The following ADGRB1 variants were observed in gnomAD, a reference collection of about 807,000 sequenced individuals.
ADGRB1 encodes the protein brain-specific angiogenesis inhibitor 1.
ADGRB1 carries 36 observed loss-of-function variants against 175.7 expected under a neutral mutation model. That is an observed-to-expected ratio of 0.20 (90% confidence interval 0.16 to 0.27). The LOEUF (loss-of-function observed/expected upper bound fraction) is 0.27. ADGRB1 is among the 10% of genes least tolerant of loss of function. The probability of loss-of-function intolerance (pLI) is 1.00; values close to 1 mark genes in which losing one functional copy is unlikely to be tolerated. For missense variants in ADGRB1, 1,731 were observed against 2,255.3 expected (o/e 0.77, Z 4.71); for synonymous variants, 1,054 against 979.4 (o/e 1.08, Z -1.42).
At chr8:142,470,550 T>A (rs1840606842) in intron 2 of ADGRB1, among the ~76,000 whole-genome samples, 1 of 152,100 alleles carries the variant, frequency 6.6e-6, no homozygotes, top group Admixed American at 6.5e-5. Flanking sequence ...CCTGTGTGTG[T>A]GTGTCCCTGC....
At chr8:142,480,891 A>G (rs1231439096) in intron 9 of ADGRB1, among the ~76,000 whole-genome samples, 1 of 151,956 alleles carries the variant, frequency 6.6e-6, no homozygotes, top group African/African-American at 2.4e-5. Context: ...GGATGCAGCC[A>G]GGCAGGGGCC....
intron 2 of ADGRB1, among the ~76,000 whole-genome samples, chr8:142,470,789 C>A (rs1412935663): frequency 6.6e-6 from 1 of 152,114 alleles, no homozygotes; most frequent in African/African-American, 2.4e-5. Context: ...GTGACCTCCC[C>A]CTCCCTGCCC....
chr8:142,455,603 A>G lies in ADGRB1; in HGVS notation c.-220+5499A>G, dbSNP rs1474346064. On this transcript the variant is annotated intron_variant, in intron 1 of 30. Transcript: ENST00000517894. This position sits in a 1 kb window ranked among gnomAD's most constrained non-coding sequence, Gnocchi z 4.9. ...ACTGGGAGCTCAGAGACTGGGGTGG[A>G]CCTTGAGATGAGACAGAACCTGTGT... is the stretch of plus-strand genomic sequence containing the variant. Among the ~76,000 whole-genome samples the G allele has an allele frequency of 6.6e-6, 1 of 152,064 alleles. No homozygotes were observed. The highest frequency in any genetic ancestry group is 1.5e-5 in the Non-Finnish European group (1 of 68,014).
At position 142,511,179 on chromosome 8, in the gene ADGRB1, G is replaced by A; in HGVS notation, c.2817+106G>A. ...GGGCCCGCACCCGTCCTGTCCCGGA[G>A]GGGTCGCTGTGGCCCGCAGCCGCCG... On this transcript the variant is annotated intron_variant, in intron 18 of 30. Coordinates refer to ENST00000517894, the MANE Select transcript of ADGRB1 (RefSeq NM_001702.3). This position sits in a 1 kb window ranked among gnomAD's most constrained non-coding sequence, Gnocchi z 4.5. 1 of 926,324 alleles carries A rather than the reference G, an allele frequency of 1.1e-6. No individual in the cohort carries two copies. Among genetic ancestry groups the A allele is most frequent in the Non-Finnish European group, 1.3e-6 (1 of 769,208 alleles). The allele number at this position is 926,324 out of a possible 1,614,324, so 57.4% of individuals were successfully genotyped here. A position where few individuals can be genotyped will look rare whatever the true frequency, so the allele number is the denominator to read the frequency against.
Position 142,474,235 on chromosome 8 carries a change from G to T in ADGRB1, c.785-1239G>T, listed in dbSNP as rs899346112. 2.0e-5 allele frequency among the ~76,000 whole-genome samples: 3 copies of T among 152,014 alleles called. No homozygotes were observed. Among genetic ancestry groups the T allele is most frequent in the Admixed American group, 6.5e-5 (1 of 15,274 alleles). ...CTTCTGGTGGGTCGGGGTGGCCTGT[G>T]CTTGGCCTGATTGCTGCCCCTGGGG... On this transcript the variant is annotated intron_variant, in intron 2 of 30. Coordinates refer to ENST00000517894, the MANE Select transcript of ADGRB1 (RefSeq NM_001702.3). This position sits in a 1 kb window ranked among gnomAD's most constrained non-coding sequence, Gnocchi z 5.8.
intron 25 of ADGRB1, among the ~76,000 whole-genome samples, chr8:142,534,068 G>A (rs1032144261): frequency 2.0e-5 from 3 of 152,216 alleles, no homozygotes; most frequent in African/African-American, 7.2e-5. Context: ...ACGGCAGAGG[G>A]GCTGTTGAAA....
chr8:142,459,941 C>T lies in ADGRB1; in HGVS notation c.-219-4039C>T, dbSNP rs541222306. 5.9e-4 allele frequency among the ~76,000 whole-genome samples: 90 copies of T among 152,348 alleles called. 1 individual carries two copies. The East Asian group carries it at 0.014, about 23-fold the overall frequency. ...CCTCAGGGCCCCACTCAGGCGCTGACGCCTCCTGGATGCCACCCTGGGTGC... is the reference window on the plus strand; with the variant it reads ...CCTCAGGGCCCCACTCAGGCGCTGATGCCTCCTGGATGCCACCCTGGGTGC... On this transcript the variant is annotated intron_variant, in intron 1 of 30. Coordinates refer to ENST00000517894, the MANE Select transcript of ADGRB1 (RefSeq NM_001702.3).
intron 20 of ADGRB1, among the ~76,000 whole-genome samples, chr8:142,521,448 G>C (rs1416835033): frequency 2.6e-5 from 4 of 152,228 alleles, no homozygotes; most frequent in Non-Finnish European, 5.9e-5. Context: ...CCTTTGGCTG[G>C]GGGCCTCTGC....
At chr8:142,518,446 T>C (rs1843578365) in intron 19 of ADGRB1, among the ~76,000 whole-genome samples, 1 of 151,978 alleles carries the variant, frequency 6.6e-6, no homozygotes, top group South Asian at 2.1e-4. Context: ...CACACACTCA[T>C]AATGTGTACA....
Position 142,521,968 on chromosome 8 carries a change from G to T in ADGRB1, c.3028G>T (p.Val1010Leu). 1 of 1,590,392 alleles carries T rather than the reference G, an allele frequency of 6.3e-7. No individual in the cohort carries two copies. The highest frequency in any genetic ancestry group is 2.3e-5 in the East Asian group (1 of 43,822). Residue 1010 changes from valine to leucine, a missense_variant, in exon 21 of 31, where the codon GTG (valine) becomes TTG (leucine). Physicochemically the swap from Val to Leu is conservative, Grantham distance 32 (BLOSUM62 1). Coordinates refer to ENST00000517894, the MANE Select transcript of ADGRB1 (RefSeq NM_001702.3). The part of the protein sequence containing the change: ...IGQTQTRNKV[V>L]CTLVAAFLHF... Reference sequence around the variant, plus strand: ...CCCCGCCCTGGGCCCCACACAGGTGGTGTGCACGCTGGTGGCCGCCTTCCT... The same window carrying T: ...CCCCGCCCTGGGCCCCACACAGGTGTTGTGCACGCTGGTGGCCGCCTTCCT...
intron 1 of ADGRB1, among the ~76,000 whole-genome samples, chr8:142,456,058 T>C (rs1839656773): frequency 1.3e-5 from 2 of 151,992 alleles, no homozygotes; most frequent in South Asian, 4.2e-4. Flanking sequence ...GAGGAACGCA[T>C]TTCAATGGGA....
intron 17 of ADGRB1, among the ~76,000 whole-genome samples, chr8:142,502,333 T>C (rs1010617891): frequency 2.9e-5 from 3 of 101,930 alleles, no homozygotes; most frequent in Non-Finnish European, 4.1e-5. Context: ...GTAGTGATGG[T>C]GATGGTGGTG....
At chr8:142,528,236 G>A (rs549786763) in intron 24 of ADGRB1, among the ~76,000 whole-genome samples, 14 of 152,362 alleles carry the variant, frequency 9.2e-5, no homozygotes, top group South Asian at 2.1e-4. Flanking sequence ...ACTGGAAGGC[G>A]CAGCGGCCTC....
chr8:142,488,939 G>A, intron 14 of ADGRB1, 96 bp from the exon 15 acceptor site: 2 of 1,414,002 alleles, frequency 1.4e-6, no homozygotes, highest in Non-Finnish European at 1.9e-6. Context: ...AAGATGGGCG[G>A]CAGATGCCAG....
chr8:142,497,321 C>A (rs1021440554), intron 17 of ADGRB1, among the ~76,000 whole-genome samples: 6 of 152,178 alleles, frequency 3.9e-5, no homozygotes, highest in Non-Finnish European at 7.3e-5. Flanking sequence ...CCTTTAAGAG[C>A]CTCTCCCTCA....
rs747092385 is a variant in ADGRB1 at position 142,541,960 on chromosome 8, G to A, written c.3726G>A (p.Ala1242=). ...CTGCAGTGCTGAACAAGGACATCGCGGCCTGCCGCACTGCCACCATCACGG... is the reference window on the plus strand; with the variant it reads ...CTGCAGTGCTGAACAAGGACATCGCAGCCTGCCGCACTGCCACCATCACGG... ...ACRSVLNKDI[A]ACRTATITGT... is the part of the protein sequence containing the mutation. Residue 1242 remains alanine, a synonymous_variant, in exon 28 of 31, where the codon GCG becomes GCA. Transcript: ENST00000517894. 1.0e-5 allele frequency: 16 copies of A among 1,560,372 alleles called. No homozygotes were observed. Among genetic ancestry groups the A allele is most frequent in the Non-Finnish European group, 1.2e-5 (14 of 1,155,630 alleles).
intron 2 of ADGRB1, among the ~76,000 whole-genome samples, chr8:142,465,660 C>G (rs559022182): frequency 6.6e-6 from 1 of 152,210 alleles, no homozygotes; most frequent in African/African-American, 2.4e-5. Flanking sequence ...CACGAAGACA[C>G]GAGCAGCCAG....
At position 142,479,748 on chromosome 8, in the gene ADGRB1, C is replaced by G. The variant is rs1421138867; in HGVS notation, c.1782C>G (p.Thr594=). The change falls in exon 9 of 31, where the codon ACC becomes ACG. Residue 594 remains threonine (T), a synonymous_variant. Transcript: ENST00000517894. ...DNFGAVIWKE[T]PAGEVAAVRC... ...TTGGTGCTGTGATCTGGAAGGAGAC[C>G]CCAGCGGGAGAGGTGGCTGCTGTCC... 1.9e-6 allele frequency: 3 copies of G among 1,613,534 alleles called. No homozygotes were observed. The highest frequency in any genetic ancestry group is 3.3e-5 in the Admixed American group (2 of 59,990).
intron 2 of ADGRB1, among the ~76,000 whole-genome samples, chr8:142,468,663 G>C (rs891032162): frequency 6.6e-6 from 1 of 152,166 alleles, no homozygotes; most frequent in Non-Finnish European, 1.5e-5. Flanking sequence ...TGTTCCCTCT[G>C]CCAGGAAGTC....
Sources: allele counts gnomAD v4.1 joint callset (sites outside exome capture counted in the v4.1 genomes callset), GRCh38; gene constraint gnomAD v4.1.1; non-coding constraint Gnocchi (gnomAD v3.1); transcripts MANE v1.5; gene names NCBI Gene and HGNC (gene_info 2026-07-23, HGNC 2026-07-21).